The following SCRG1 variants were observed in gnomAD, a reference collection of about 807,000 sequenced individuals.
The protein encoded by SCRG1 is scrapie-responsive protein 1.
In SCRG1, 3 loss-of-function variants were observed where a neutral mutation model predicts 7.7. That is an observed-to-expected ratio of 0.39 (90% CI 0.18 to 1.01). The LOEUF is 1.01. Among genes scored for constraint, SCRG1 ranks in the 50% least tolerant of loss-of-function variants. SCRG1 has a pLI of 0.36. For missense variants in SCRG1, 110 were observed against 117.2 expected (o/e 0.94, Z 0.28); for synonymous variants, 46 against 41.2 (o/e 1.12, Z -0.44).
the SCRG1 span, among the ~76,000 whole-genome samples, chr4:173,500,091 G>A: frequency 2.0e-5 from 3 of 152,228 alleles, no homozygotes; most frequent in South Asian, 6.2e-4. Flanking sequence ...GCAGCTGGCA[G>A]GGTTGCCATC....
chr4:173,496,960 G>T, the SCRG1 span, among the ~76,000 whole-genome samples: 1 of 152,024 alleles, frequency 6.6e-6, no homozygotes, highest in East Asian at 1.9e-4. Flanking sequence ...CAAAAAATTA[G>T]CCAGGTGTGG....
chr4:173,489,032 G>A, the SCRG1 span, among the ~76,000 whole-genome samples: 3 of 152,266 alleles, frequency 2.0e-5, no homozygotes, highest in African/African-American at 7.2e-5. Flanking sequence ...TTCAGACTGA[G>A]TGTTATTTTA....
At chr4:173,462,028 G>T in the SCRG1 span, among the ~76,000 whole-genome samples, 1 of 152,170 alleles carries the variant, frequency 6.6e-6, no homozygotes, top group Admixed American at 6.5e-5. Context: ...AAAAGATCCT[G>T]CAGGATCTAT....
At chr4:173,479,379 A>C in the SCRG1 span, among the ~76,000 whole-genome samples, 1 of 151,452 alleles carries the variant, frequency 6.6e-6, no homozygotes, top group Non-Finnish European at 1.5e-5. Context: ...GCTTTGAAAA[A>C]CTGAGTATAA....
chr4:173,421,235 GC>G, the SCRG1 span, among the ~76,000 whole-genome samples: 14 of 152,132 alleles, frequency 9.2e-5, no homozygotes, highest in African/African-American at 3.4e-4. Context: ...TTTATTGATT[GC>G]CCCCCACACA....
chr4:173,490,143 C>T, the SCRG1 span, among the ~76,000 whole-genome samples: 1,180 of 152,236 alleles, frequency 7.8e-3, 17 homozygotes, highest in East Asian at 0.025. Flanking sequence ...AATTTTGCAA[C>T]AAAATTTCAC....
chr4:173,504,268 G>A, the SCRG1 span, among the ~76,000 whole-genome samples: 10 of 152,278 alleles, frequency 6.6e-5, no homozygotes, highest in East Asian at 1.7e-3. This position sits in a 1 kb window ranked among gnomAD's most constrained non-coding sequence, Gnocchi z 4.7. Flanking sequence ...ACCAGGGATG[G>A]CAAGGAGCCC....
At chr4:173,454,216 G>C in the SCRG1 span, among the ~76,000 whole-genome samples, 1 of 152,188 alleles carries the variant, frequency 6.6e-6, no homozygotes, top group Non-Finnish European at 1.5e-5. Context: ...AGGCAATGCA[G>C]TTGAAAACCT....
the SCRG1 span, among the ~76,000 whole-genome samples, chr4:173,514,648 G>A: frequency 6.6e-6 from 1 of 152,144 alleles, no homozygotes; most frequent in African/African-American, 2.4e-5. Flanking sequence ...TCTACCCATA[G>A]GTCATTAAAT....
chr4:173,462,764 G>A, the SCRG1 span, among the ~76,000 whole-genome samples: 1 of 152,188 alleles, frequency 6.6e-6, no homozygotes, highest in East Asian at 1.9e-4. Flanking sequence ...TCAAGACATA[G>A]TACAATAAGA....
the SCRG1 span, among the ~76,000 whole-genome samples, chr4:173,434,603 G>A: frequency 2.6e-5 from 4 of 152,284 alleles, 1 homozygote; most frequent in African/African-American, 7.2e-5. Flanking sequence ...GGCCTAGGCG[G>A]GTGGATTATC....
the SCRG1 span, chr4:173,467,816 T>C: frequency 3.3e-5 from 5 of 152,144 alleles, no homozygotes; most frequent in Non-Finnish European, 7.3e-5. Context: ...GAGGAGAACA[T>C]TTTGAAATAA....
rs1739311618 is a variant in SCRG1, at chr4:173,388,409, G to A, written c.243-14C>T. The A allele has an allele frequency of 4.4e-6, 7 of 1,594,596 alleles. No individual in the cohort carries two copies. In the Admixed American group the frequency reaches 5.1e-5, roughly 12 times the overall value. On this transcript the variant is annotated splice_polypyrimidine_tract_variant and intron_variant, in intron 2 of 2. Coordinates refer to ENST00000296506, the MANE Select transcript of SCRG1 (RefSeq NM_007281.4). Reference sequence around the variant, plus strand: ...AAGAAAACGTCTCTGAAAGAAAATAGAGCATCAATTAAATTCACCTTAAGG... The same window carrying A: ...AAGAAAACGTCTCTGAAAGAAAATAAAGCATCAATTAAATTCACCTTAAGG...
chr4:173,451,490 A>G, the SCRG1 span, among the ~76,000 whole-genome samples: 1 of 152,032 alleles, frequency 6.6e-6, no homozygotes, highest in Non-Finnish European at 1.5e-5. Flanking sequence ...CCAAGAAGAT[A>G]GCACGTTCTC....
At position 173,386,301 on chromosome 4, in the gene SCRG1, A is replaced by ATTTTTTTTTTTTTTTTTTTTTT. The variant is rs11302799; in HGVS notation, c.*2039_*2040insAAAAAAAAAAAAAAAAAAAAAA. 2 of 116,998 alleles carry ATTTTTTTTTTTTTTTTTTTTTT rather than the reference A, an allele frequency of 1.7e-5. No individual in the cohort carries two copies. Among genetic ancestry groups the ATTTTTTTTTTTTTTTTTTTTTT allele is most frequent in the African/African-American group, 6.1e-5 (2 of 32,572 alleles). 7.2% of individuals were successfully genotyped at this position (116,998 alleles called of 1,614,324 possible). A position where few individuals can be genotyped will look rare whatever the true frequency, so the allele number is the denominator to read the frequency against. ...AGGCGCCTGCCACCACGCCCAGCTA[A>ATTTTTTTTTTTTTTTTTTTTTT]TTTTTTTTTTTTTTTTTTTTGTATT... On this transcript the variant is annotated 3_prime_UTR_variant, in exon 3 of 3. Transcript: ENST00000296506.
the SCRG1 span, among the ~76,000 whole-genome samples, chr4:173,516,399 G>A: frequency 6.6e-6 from 1 of 152,192 alleles, no homozygotes; most frequent in East Asian, 1.9e-4. Context: ...AGGCGGCCGA[G>A]AAGAACTGGA....
the SCRG1 span, among the ~76,000 whole-genome samples, chr4:173,453,957 A>C: frequency 1.3e-5 from 2 of 152,076 alleles, no homozygotes; most frequent in African/African-American, 4.8e-5. Flanking sequence ...ATGTGCTTGT[A>C]GTCCCAGCTA....
chr4:173,459,686 T>C, the SCRG1 span, among the ~76,000 whole-genome samples: 5 of 152,128 alleles, frequency 3.3e-5, no homozygotes, highest in African/African-American at 9.7e-5. Flanking sequence ...AACAACCTAA[T>C]GTAGGAGCTA....
chr4:173,510,442 AT>A, the SCRG1 span, among the ~76,000 whole-genome samples: 166 of 107,764 alleles, frequency 1.5e-3, no homozygotes, highest in African/African-American at 4.6e-3. This position sits in a 1 kb window ranked among gnomAD's most constrained non-coding sequence, Gnocchi z 5.7. Flanking sequence ...ATATATATAT[AT>A]ATAAATTAAC....
Sources: allele counts gnomAD v4.1 joint callset (sites outside exome capture counted in the v4.1 genomes callset), GRCh38; gene constraint gnomAD v4.1.1; non-coding constraint Gnocchi (gnomAD v3.1); transcripts MANE v1.5; gene names NCBI Gene and HGNC (gene_info 2026-07-23, HGNC 2026-07-21).